The following TRPM3 variants were observed in gnomAD, a reference collection of about 807,000 sequenced individuals.
TRPM3 encodes the protein long transient receptor potential channel 3.
A neutral mutation model predicts 181.2 loss-of-function variants in TRPM3; 77 were observed. The observed-to-expected ratio is 0.42, with a 90% CI of 0.35 to 0.51. The LOEUF (loss-of-function observed/expected upper bound fraction) is 0.51, where lower values mean the gene tolerates loss of function less well. Among genes scored for constraint, TRPM3 ranks in the 20% least tolerant of loss-of-function variants. The pLI, the probability that TRPM3 is intolerant of heterozygous loss-of-function variation, is 0.01. For missense variants in TRPM3, 1,759 were observed against 2,196.7 expected (o/e 0.80, Z 3.98); for synonymous variants, 745 against 796.4 (o/e 0.94, Z 1.09).
chr9:71,166,867 T>C (rs969481061), intron 1 of TRPM3, among the ~76,000 whole-genome samples: 10 of 152,176 alleles, frequency 6.6e-5, no homozygotes, highest in East Asian at 5.8e-4. Context: ...ATGGGATGCA[T>C]AGATTGAAAT....
intron 22 of TRPM3, among the ~76,000 whole-genome samples, chr9:70,563,486 C>T (rs1388323543): frequency 6.6e-6 from 1 of 152,218 alleles, no homozygotes; most frequent in Non-Finnish European, 1.5e-5. Flanking sequence ...TTCTTCACTT[C>T]TCCTTTCACC....
intron 1 of TRPM3, among the ~76,000 whole-genome samples, chr9:71,098,526 A>G (rs1389339866): frequency 1.3e-5 from 2 of 152,252 alleles, no homozygotes; most frequent in Admixed American, 1.3e-4. Context: ...TGCAGTGGTG[A>G]ATGCTCCCCT....
intron 7 of TRPM3, among the ~76,000 whole-genome samples, chr9:70,776,915 TG>T (rs1186508670): frequency 6.6e-6 from 1 of 152,178 alleles, no homozygotes; most frequent in Non-Finnish European, 1.5e-5. Flanking sequence ...TACAGTTTCG[TG>T]GGCCCCACCC....
chr9:70,862,285 A>G (rs1345186900), intron 3 of TRPM3, among the ~76,000 whole-genome samples: 1 of 152,192 alleles, frequency 6.6e-6, no homozygotes, highest in Non-Finnish European at 1.5e-5. Flanking sequence ...GAAATTTAAA[A>G]GCAAAAACTC....
Position 70,529,534 on chromosome 9 carries a change from G to T in TRPM3, c.*6419C>A, listed in dbSNP as rs570666700. On this transcript the variant is annotated 3_prime_UTR_variant, in exon 26 of 26. Coordinates refer to ENST00000677713, the MANE Select transcript of TRPM3 (RefSeq NM_001366145.2). ...CTCAGGTCAGACGCAGTAGTGACAG[G>T]AAGCAGGTAAGTCTTCATACCATGC... 6.6e-6 allele frequency: 1 copy of T among 152,336 alleles called. No homozygotes were observed. Among genetic ancestry groups the T allele is most frequent in the African/African-American group, 2.4e-5 (1 of 41,570 alleles). The allele number at this position is 152,336 out of a possible 1,614,324, so 9.4% of individuals were successfully genotyped here.
At chr9:71,338,072 A>G (rs1399309195) in intron 1 of TRPM3, among the ~76,000 whole-genome samples, 1 of 146,682 alleles carries the variant, frequency 6.8e-6, no homozygotes, top group Non-Finnish European at 1.5e-5. Context: ...CTCAGAACTT[A>G]AAGTACAACA....
chr9:71,029,675 G>A (rs923398290), intron 1 of TRPM3, among the ~76,000 whole-genome samples: 6 of 152,058 alleles, frequency 3.9e-5, no homozygotes, highest in African/African-American at 1.2e-4. Flanking sequence ...TAGTCCTTCA[G>A]GCATTATAAA....
intron 1 of TRPM3, among the ~76,000 whole-genome samples, chr9:71,008,028 G>C (rs1187807978): frequency 6.6e-6 from 1 of 151,974 alleles, no homozygotes; most frequent in East Asian, 1.9e-4. Context: ...CAAAAATTTA[G>C]TTATACTAAG....
chr9:71,222,897 G>C (rs1242383678), intron 1 of TRPM3, among the ~76,000 whole-genome samples: 1 of 152,188 alleles, frequency 6.6e-6, no homozygotes, highest in Admixed American at 6.5e-5. Flanking sequence ...ATTGGAACTT[G>C]AGTTTCAGCA....
intron 1 of TRPM3, among the ~76,000 whole-genome samples, chr9:71,107,588 T>C (rs1034744158): frequency 1.3e-5 from 2 of 152,216 alleles, no homozygotes; most frequent in Non-Finnish European, 2.9e-5. Context: ...TAGCAATAGA[T>C]GATTGTAGAA....
intron 22 of TRPM3, among the ~76,000 whole-genome samples, chr9:70,584,846 C>G (rs939958588): frequency 2.6e-5 from 4 of 152,206 alleles, no homozygotes; most frequent in Non-Finnish European, 5.9e-5. Context: ...CCCTCTCTGC[C>G]ATGTGGGCAC....
At chr9:70,758,369 T>C (rs2077467241) in intron 8 of TRPM3, among the ~76,000 whole-genome samples, 1 of 152,150 alleles carries the variant, frequency 6.6e-6, no homozygotes, top group South Asian at 2.1e-4. Flanking sequence ...TGCTCATGGA[T>C]AGGAAGAATC....
At chr9:71,359,551 A>G (rs958610061) in intron 1 of TRPM3, among the ~76,000 whole-genome samples, 10 of 151,368 alleles carry the variant, frequency 6.6e-5, no homozygotes, top group Non-Finnish European at 2.9e-5. Flanking sequence ...CTACTGCATG[A>G]TTTTTTTTTC....
At chr9:70,576,529 T>C (rs1173831658) in intron 22 of TRPM3, among the ~76,000 whole-genome samples, 1 of 151,410 alleles carries the variant, frequency 6.6e-6, no homozygotes, top group Non-Finnish European at 1.5e-5. Flanking sequence ...TTTTTTGGTT[T>C]TCCCAGAGGG....
At chr9:70,555,229 A>T (rs1462069599) in intron 22 of TRPM3, among the ~76,000 whole-genome samples, 1 of 152,084 alleles carries the variant, frequency 6.6e-6, no homozygotes, top group African/African-American at 2.4e-5. Flanking sequence ...CTCACTCTTT[A>T]GTGCTCACCT....
At chr9:71,060,153 G>A (rs557193119) in intron 1 of TRPM3, among the ~76,000 whole-genome samples, 1 of 152,212 alleles carries the variant, frequency 6.6e-6, no homozygotes, top group South Asian at 2.1e-4. Flanking sequence ...GCAAGAGCTT[G>A]CTAATCATCA....
chr9:70,535,217 C>A lies in TRPM3; in HGVS notation c.*736G>T. 1 of 597,520 alleles carries A rather than the reference C, an allele frequency of 1.7e-6. No homozygotes were observed. 37.0% of individuals were successfully genotyped at this position (597,520 alleles called of 1,614,324 possible). ...CACTTGACTTTTGTTTTTTTAACAT[C>A]AACTCTTCTTTCATTTCGATTGCAA... On this transcript the variant is annotated 3_prime_UTR_variant, in exon 26 of 26. Transcript: ENST00000677713.
chr9:71,023,302 C>A (rs2097861147), intron 1 of TRPM3, among the ~76,000 whole-genome samples: 1 of 152,292 alleles, frequency 6.6e-6, no homozygotes, highest in Non-Finnish European at 1.5e-5. Context: ...CACTACACAT[C>A]TGTCAGGATG....
intron 18 of TRPM3, among the ~76,000 whole-genome samples, chr9:70,611,454 C>T (rs2061988371): frequency 6.6e-6 from 1 of 152,042 alleles, no homozygotes; most frequent in African/African-American, 2.4e-5. Context: ...CGGTCTGTCA[C>T]TCTCTCTCTC....
Sources: allele counts gnomAD v4.1 joint callset (sites outside exome capture counted in the v4.1 genomes callset), GRCh38; gene constraint gnomAD v4.1.1; transcripts MANE v1.5; gene names NCBI Gene and HGNC (gene_info 2026-07-23, HGNC 2026-07-21).